GTF2IRD2B: variants seen among roughly 807,000 people sequenced by gnomAD.
GTF2IRD2B encodes the protein GTF2I repeat domain containing 2B, also known as general transcription factor II-I repeat domain-containing protein 2B.
GTF2IRD2B carries 10 observed loss-of-function variants against 55.6 expected under a neutral mutation model. The ratio of observed to expected loss-of-function variants is 0.18; its 90% CI spans 0.11 to 0.31. The LOEUF (loss-of-function observed/expected upper bound fraction) is 0.31. Ranked by LOEUF, GTF2IRD2B falls within the 10% of genes least tolerant of loss-of-function variation. The pLI is 1.00. For synonymous variants in GTF2IRD2B, 107 were observed against 320.5 expected (o/e 0.33, Z 7.12); for missense variants, 206 against 802.7 (o/e 0.26, Z 8.98).
intron 9 of GTF2IRD2B, among the ~76,000 whole-genome samples, chr7:75,134,457 T>G (rs1808769166): frequency 7.3e-6 from 1 of 137,396 alleles, no homozygotes; most frequent in Non-Finnish European, 1.5e-5. Flanking sequence ...TAACCAGCAG[T>G]TTTTAGGAGA....
At chr7:75,121,910 G>A (rs1554536444) in intron 4 of GTF2IRD2B, among the ~76,000 whole-genome samples, 465 of 133,856 alleles carry the variant, frequency 3.5e-3, no homozygotes, top group Non-Finnish European at 5.6e-3. Context: ...ACAGGCACCC[G>A]CCACCGTGCC....
At chr7:75,105,334 T>C (rs1357385809) in intron 1 of GTF2IRD2B, among the ~76,000 whole-genome samples, 5 of 152,286 alleles carry the variant, frequency 3.3e-5, no homozygotes, top group Non-Finnish European at 7.3e-5. Context: ...TGTAACCCCG[T>C]CTCCACCAAA....
chr7:75,097,540 A>C (rs1324689758), intron 1 of GTF2IRD2B, among the ~76,000 whole-genome samples: 9 of 126,364 alleles, frequency 7.1e-5, no homozygotes, highest in Admixed American at 1.6e-4. Flanking sequence ...AGTTTTCATA[A>C]AGGAAGTGGA....
intron 10 of GTF2IRD2B, among the ~76,000 whole-genome samples, chr7:75,136,184 T>G (rs1290331203): frequency 3.1e-5 from 4 of 129,246 alleles, no homozygotes; most frequent in African/African-American, 1.4e-4. Context: ...AGATTTCCTT[T>G]CCAAACCTAG....
intron 6 of GTF2IRD2B, among the ~76,000 whole-genome samples, chr7:75,124,243 G>C (rs1331902499): frequency 1.3e-5 from 2 of 152,290 alleles, no homozygotes; most frequent in Admixed American, 6.5e-5. Context: ...TGGCGGGTGC[G>C]TGTAATCCCA....
intron 11 of GTF2IRD2B, among the ~76,000 whole-genome samples, chr7:75,137,126 C>T (rs1808865127): frequency 6.6e-6 from 1 of 150,940 alleles, no homozygotes; most frequent in African/African-American, 2.4e-5. Flanking sequence ...TCGCTTGAAC[C>T]TGAGAGGCGG....
At chr7:75,097,311 C>CAAA (rs1202826493) in intron 1 of GTF2IRD2B, among the ~76,000 whole-genome samples, 1 of 40,280 alleles carries the variant, frequency 2.5e-5, no homozygotes, top group African/African-American at 1.0e-4. Context: ...TTTGTCTCTA[C>CAAA]AAAAAAAAAA....
At chr7:75,126,932 G>A (rs1484405898) in intron 8 of GTF2IRD2B, among the ~76,000 whole-genome samples, 2 of 149,860 alleles carry the variant, frequency 1.3e-5, no homozygotes, top group Non-Finnish European at 3.0e-5. Flanking sequence ...GGGAGGTGGA[G>A]GTTGCAGTGA....
intron 3 of GTF2IRD2B, among the ~76,000 whole-genome samples, chr7:75,117,796 AT>A (rs1386748175): frequency 1.3e-5 from 2 of 152,284 alleles, no homozygotes; most frequent in Non-Finnish European, 2.9e-5. Flanking sequence ...AAAAATATAT[AT>A]ATCAGCTGGG....
At chr7:75,106,153 A>G (rs1807798122) in intron 1 of GTF2IRD2B, among the ~76,000 whole-genome samples, 1 of 152,312 alleles carries the variant, frequency 6.6e-6, no homozygotes, top group East Asian at 1.9e-4. Context: ...CTGTAATCCC[A>G]GCACTTTGGG....
chr7:75,106,108 CAT>C (rs1222389714), intron 1 of GTF2IRD2B, among the ~76,000 whole-genome samples: 1 of 152,308 alleles, frequency 6.6e-6, no homozygotes, highest in Non-Finnish European at 1.5e-5. Flanking sequence ...AGCTCCCTTA[CAT>C]CTTCAGTTTT....
intron 10 of GTF2IRD2B, among the ~76,000 whole-genome samples, chr7:75,136,330 A>G (rs1216358427): frequency 6.8e-6 from 1 of 146,406 alleles, no homozygotes; most frequent in African/African-American, 2.6e-5. Flanking sequence ...ACAGAATCTC[A>G]CCCTGTCACC....
At chr7:75,103,194 G>A (rs1228261315) in intron 1 of GTF2IRD2B, among the ~76,000 whole-genome samples, 2 of 152,022 alleles carry the variant, frequency 1.3e-5, no homozygotes, top group Non-Finnish European at 2.9e-5. Context: ...CAGGAGAATT[G>A]CTTGAACCTG....
In GTF2IRD2B at chr7:75,118,074, C is replaced by CAA. The variant is rs57631816; in HGVS notation, c.239-2800_239-2799dup. On this transcript the variant is annotated intron_variant, in intron 3 of 15. Transcript: ENST00000472837. ...CTCCAGCCTGGGTGACAGAGCAAGA[C>CAA]AAAAAAAAAAAAAAAAAAGGGAAAG... Among the ~76,000 whole-genome samples, 310 of 103,794 alleles carry CAA rather than the reference C, an allele frequency of 3.0e-3. 3 individuals carry two copies. Among genetic ancestry groups the CAA allele is most frequent in the African/African-American group, 9.1e-3 (260 of 28,488 alleles). The allele number at this position is 103,794 out of a possible 152,430, so 68.1% of individuals were successfully genotyped here.
At chr7:75,121,695 G>A (rs1278448808) in intron 4 of GTF2IRD2B, among the ~76,000 whole-genome samples, 1 of 151,594 alleles carries the variant, frequency 6.6e-6, no homozygotes, top group Admixed American at 6.6e-5. Flanking sequence ...CTGACCTCAG[G>A]TGATCCTCCT....
At chr7:75,105,362 G>T (rs1251736571) in intron 1 of GTF2IRD2B, among the ~76,000 whole-genome samples, 4 of 152,302 alleles carry the variant, frequency 2.6e-5, no homozygotes, top group African/African-American at 9.6e-5. Context: ...AAATTAGCTG[G>T]GTGTGGTGGC....
At chr7:75,112,586 G>A in intron 3 of GTF2IRD2B, 51 bp downstream of exon 3, 2 of 849,858 alleles carry the variant, frequency 2.4e-6, no homozygotes, top group Non-Finnish European at 3.8e-6. Flanking sequence ...AAGGATCGCA[G>A]GCAAGACTTC....
chr7:75,103,618 G>A (rs1456897500), intron 1 of GTF2IRD2B, among the ~76,000 whole-genome samples: 1 of 151,940 alleles, frequency 6.6e-6, no homozygotes, highest in African/African-American at 2.4e-5. Context: ...GTGAACTTCT[G>A]ATGTGACCCG....
At chr7:75,103,742 CAT>C (rs1230556264) in intron 1 of GTF2IRD2B, among the ~76,000 whole-genome samples, 3 of 149,762 alleles carry the variant, frequency 2.0e-5, no homozygotes, top group Non-Finnish European at 4.5e-5. Flanking sequence ...ATGATAAAGA[CAT>C]AGGACCGGCC....
Sources: allele counts gnomAD v4.1 joint callset (sites outside exome capture counted in the v4.1 genomes callset), GRCh38; gene constraint gnomAD v4.1.1; transcripts MANE v1.5; gene names NCBI Gene and HGNC (gene_info 2026-07-23, HGNC 2026-07-21).